Variants in TRHDE observed in about 807,000 individuals in gnomAD.
The protein encoded by TRHDE is thyrotropin-releasing hormone-degrading ectoenzyme.
A neutral mutation model predicts 125.7 loss-of-function variants in TRHDE; 72 were observed. The observed-to-expected ratio is 0.57, with a 90% CI of 0.47 to 0.70. The LOEUF is 0.70. TRHDE is among the 30% of genes least tolerant of loss of function. TRHDE has a pLI of 0.00. For synonymous variants in TRHDE, 509 were observed against 509.1 expected, an observed-to-expected ratio of 1.00 and a Z score of 0.00; for missense variants, 1,110 against 1,327.1, an observed-to-expected ratio of 0.84 and a Z score of 2.54.
intron 7 of TRHDE, among the ~76,000 whole-genome samples, chr12:72,543,354 C>A (rs1183964688): frequency 6.6e-6 from 1 of 151,514 alleles, no homozygotes; most frequent in South Asian, 2.1e-4. Context: ...AATAATTTCC[C>A]TCAGAAAATA....
intron 2 of TRHDE, among the ~76,000 whole-genome samples, chr12:72,116,093 G>A (rs1875437397): frequency 6.6e-6 from 1 of 152,090 alleles, no homozygotes; most frequent in Non-Finnish European, 1.5e-5. Context: ...TCCCACTTAT[G>A]AGTGAGAACA....
At chr12:72,468,226 T>C (rs746645804) in intron 3 of TRHDE, among the ~76,000 whole-genome samples, 3 of 152,230 alleles carry the variant, frequency 2.0e-5, no homozygotes, top group Non-Finnish European at 4.4e-5. Flanking sequence ...TGTTTTTAAA[T>C]AGTAGATGTT....
At chr12:72,398,360 G>T (rs570709452) in intron 3 of TRHDE, among the ~76,000 whole-genome samples, 1 of 152,242 alleles carries the variant, frequency 6.6e-6, no homozygotes, top group Admixed American at 6.5e-5. Context: ...GTAATGGGAT[G>T]GCTGGGTCAA....
intron 2 of TRHDE, among the ~76,000 whole-genome samples, chr12:72,321,592 G>A (rs1014046700): frequency 1.3e-5 from 2 of 152,034 alleles, no homozygotes; most frequent in African/African-American, 4.8e-5. Context: ...AAGTAAAGGT[G>A]CGTTTATTTT....
chr12:72,457,121 T>C (rs1218591486), intron 3 of TRHDE, among the ~76,000 whole-genome samples: 1 of 152,192 alleles, frequency 6.6e-6, no homozygotes, highest in African/African-American at 2.4e-5. Context: ...TTCATTTTTC[T>C]TCATGACATT....
intron 2 of TRHDE, among the ~76,000 whole-genome samples, chr12:72,252,308 G>A (rs1463637964): frequency 1.3e-5 from 2 of 152,190 alleles, no homozygotes; most frequent in Admixed American, 6.5e-5. Flanking sequence ...TGTATAAGAT[G>A]TGAGGTTAAG....
At chr12:72,413,634 C>T (rs181373783) in intron 3 of TRHDE, among the ~76,000 whole-genome samples, 174 of 151,804 alleles carry the variant, frequency 1.1e-3, no homozygotes, top group South Asian at 7.5e-3. Flanking sequence ...TAGATAAAAA[C>T]GAGTCCCAAA....
intron 2 of TRHDE, among the ~76,000 whole-genome samples, chr12:72,119,649 T>G (rs1314900566): frequency 6.6e-6 from 1 of 152,226 alleles, no homozygotes; most frequent in African/African-American, 2.4e-5. Flanking sequence ...TTCTAGCTAT[T>G]ATTGTATTGG....
chr12:72,597,699 ATGTGTGTGTGTATG>A (rs1872008127), intron 12 of TRHDE, among the ~76,000 whole-genome samples: 2 of 66,232 alleles, frequency 3.0e-5, no homozygotes, highest in Non-Finnish European at 4.6e-5. Context: ...AGGTATATAT[ATGTGTGTGTGTATG>A]TATATATATA....
intron 12 of TRHDE, among the ~76,000 whole-genome samples, chr12:72,614,025 C>G (rs563819985): frequency 3.7e-4 from 56 of 152,036 alleles, no homozygotes; most frequent in Non-Finnish European, 6.5e-4. Context: ...AAAGTAGGAG[C>G]AAGAGAGAGT....
Position 72,668,621 on chromosome 12 carries a change from G to A in TRHDE, c.*5426G>A, listed in dbSNP as rs538138708. On this transcript the variant is annotated 3_prime_UTR_variant, in exon 19 of 19. Coordinates refer to ENST00000261180, the MANE Select transcript of TRHDE (RefSeq NM_013381.3). ...GTTAAGTGAGTTAAGATAAAGGGAA[G>A]CTACAAAAATTTGAATGCCTACTAA... is the stretch of plus-strand genomic sequence containing the variant. The A allele has an allele frequency of 2.0e-5, 3 of 151,928 alleles. No homozygotes were observed. The highest frequency in any genetic ancestry group is 6.6e-5 in the Admixed American group (1 of 15,208). 9.4% of individuals were successfully genotyped at this position (151,928 alleles called of 1,614,324 possible). A position where few individuals can be genotyped will look rare whatever the true frequency, so the allele number is the denominator to read the frequency against.
intron 7 of TRHDE, among the ~76,000 whole-genome samples, chr12:72,555,874 C>T (rs2136003146): frequency 6.6e-6 from 1 of 152,288 alleles, no homozygotes; most frequent in African/African-American, 2.4e-5. Context: ...CACATACTTA[C>T]AAATGTATAA....
At chr12:72,134,542 T>G (rs1217946606) in intron 2 of TRHDE, among the ~76,000 whole-genome samples, 2 of 152,254 alleles carry the variant, frequency 1.3e-5, no homozygotes, top group Non-Finnish European at 2.9e-5. Context: ...TTGCCATCAA[T>G]ATATATTTTT....
chr12:72,380,362 C>A (rs1482746342), intron 3 of TRHDE, among the ~76,000 whole-genome samples: 2 of 152,068 alleles, frequency 1.3e-5, no homozygotes, highest in Non-Finnish European at 2.9e-5. Context: ...GAGATACATG[C>A]CATTAAAAAT....
intron 2 of TRHDE, among the ~76,000 whole-genome samples, chr12:72,297,800 T>G (rs1339867480): frequency 1.3e-5 from 2 of 151,816 alleles, no homozygotes; most frequent in Non-Finnish European, 2.9e-5. Context: ...GTAGTGGGAG[T>G]CAGGGGTTTG....
intron 2 of TRHDE, chr12:72,253,758 G>C (rs1878742323): frequency 6.6e-6 from 1 of 152,022 alleles, no homozygotes; most frequent in Non-Finnish European, 1.5e-5. Flanking sequence ...ATGAATATTG[G>C]ATTTTATCAA....
At chr12:72,241,199 C>T (rs756032406) in intron 2 of TRHDE, among the ~76,000 whole-genome samples, 1 of 152,144 alleles carries the variant, frequency 6.6e-6, no homozygotes, top group Non-Finnish European at 1.5e-5. Flanking sequence ...GTGGGCAATA[C>T]CACAAATTTT....
At chr12:72,215,997 A>G (rs1877882733) in intron 2 of TRHDE, among the ~76,000 whole-genome samples, 1 of 152,206 alleles carries the variant, frequency 6.6e-6, no homozygotes, top group African/African-American at 2.4e-5. Flanking sequence ...TTTACATGTC[A>G]TCTCTTCTAT....
intron 2 of TRHDE, among the ~76,000 whole-genome samples, chr12:72,179,660 T>C (rs767385796): frequency 2.6e-5 from 4 of 152,106 alleles, no homozygotes; most frequent in Non-Finnish European, 5.9e-5. Flanking sequence ...TCATAACTCA[T>C]GTATGGCTTT....
Sources: gnomAD v4.1 joint callset for allele counts (sites outside exome capture counted in the v4.1 genomes callset) on GRCh38, gnomAD v4.1.1 for gene constraint, MANE v1.5 for transcripts, NCBI Gene and HGNC (gene_info 2026-07-23, HGNC 2026-07-21) for gene names.